UBE2E2: variants seen among roughly 807,000 people sequenced by gnomAD.
UBE2E2 encodes the protein ubiquitin conjugating enzyme E2 E2, also known as ubiquitin-conjugating enzyme E2 E2.
UBE2E2 carries 6 observed loss-of-function variants against 24.7 expected under a neutral mutation model. The ratio of observed to expected loss-of-function variants is 0.24; its 90% CI spans 0.13 to 0.48. The LOEUF (loss-of-function observed/expected upper bound fraction) is 0.48, where lower values mean the gene tolerates loss of function less well. Among genes scored for constraint, UBE2E2 ranks in the 20% least tolerant of loss-of-function variants. The pLI is 0.99. For missense variants in UBE2E2, 169 were observed against 245.0 expected, an observed-to-expected ratio of 0.69 and a Z score of 2.07; for synonymous variants, 104 against 83.6, an observed-to-expected ratio of 1.24 and a Z score of -1.33.
At chr3:23,483,763 T>A (rs1299422407) in intron 3 of UBE2E2, among the ~76,000 whole-genome samples, 11 of 152,220 alleles carry the variant, frequency 7.2e-5, no homozygotes, top group Admixed American at 7.2e-4. Flanking sequence ...ATTCTAGTTG[T>A]TCATTAGATT....
At chr3:23,568,660 C>T (rs1696141960) in intron 5 of UBE2E2, among the ~76,000 whole-genome samples, 1 of 97,494 alleles carries the variant, frequency 1.0e-5, no homozygotes, top group Admixed American at 9.1e-5. Flanking sequence ...TATATGTATA[C>T]ATATATACGC....
At chr3:23,237,023 G>A (rs975387702) in intron 3 of UBE2E2, among the ~76,000 whole-genome samples, 21 of 152,074 alleles carry the variant, frequency 1.4e-4, no homozygotes, top group African/African-American at 4.6e-4. Context: ...AGTATTACAC[G>A]GTGGTTTCTT....
intron 3 of UBE2E2, among the ~76,000 whole-genome samples, chr3:23,350,184 T>G (rs1454648739): frequency 6.6e-6 from 1 of 152,156 alleles, no homozygotes; most frequent in East Asian, 1.9e-4. Flanking sequence ...TCCTGTCTGT[T>G]AGAAGGAAAA....
At chr3:23,266,281 G>A (rs1698045960) in intron 3 of UBE2E2, among the ~76,000 whole-genome samples, 1 of 152,166 alleles carries the variant, frequency 6.6e-6, no homozygotes, top group Non-Finnish European at 1.5e-5. Context: ...GCAGTGGCTG[G>A]TGCCAGTTGT....
chr3:23,273,499 C>G (rs1698303517), intron 3 of UBE2E2, among the ~76,000 whole-genome samples: 1 of 150,144 alleles, frequency 6.7e-6, no homozygotes, highest in Admixed American at 6.6e-5. Context: ...CCACTGCACT[C>G]CAGCCTGGGC....
rs371976350 is a variant in UBE2E2, at chr3:23,384,820, C to T, written c.228-114788C>T. On this transcript the variant is annotated intron_variant, in intron 3 of 5. Coordinates refer to ENST00000396703, the MANE Select transcript of UBE2E2 (RefSeq NM_152653.4). ...CGTCCAAAAGTGCTGGGATTACAGGCGTGAGCCACCACACCTGGCCCCTGG... is the reference window on the plus strand; with the variant it reads ...CGTCCAAAAGTGCTGGGATTACAGGTGTGAGCCACCACACCTGGCCCCTGG... 7.3e-4 allele frequency among the ~76,000 whole-genome samples: 111 copies of T among 152,274 alleles called. 5 individuals are homozygous for T. The East Asian group carries it at 0.016, about 21-fold the overall frequency.
intron 3 of UBE2E2, among the ~76,000 whole-genome samples, chr3:23,390,390 G>C (rs1051024340): frequency 2.6e-5 from 4 of 152,194 alleles, no homozygotes; most frequent in African/African-American, 9.7e-5. Context: ...TGTGGCTTAA[G>C]TTGAGACAAC....
intron 3 of UBE2E2, among the ~76,000 whole-genome samples, chr3:23,452,230 A>G (rs1698576604): frequency 1.3e-5 from 2 of 152,216 alleles, no homozygotes; most frequent in Non-Finnish European, 1.5e-5. Flanking sequence ...ACAGCACGAT[A>G]TATCTAGCTA....
intron 5 of UBE2E2, among the ~76,000 whole-genome samples, chr3:23,565,935 A>G (rs759068799): frequency 2.6e-4 from 39 of 152,146 alleles, no homozygotes; most frequent in Admixed American, 6.6e-5. Context: ...CAGAATGACA[A>G]TGTAGACTAA....
intron 3 of UBE2E2, among the ~76,000 whole-genome samples, chr3:23,304,332 A>C (rs533148502): frequency 3.9e-5 from 6 of 152,270 alleles, no homozygotes; most frequent in Admixed American, 3.3e-4. Context: ...TTAGCAGTTA[A>C]GTTTTTTTCA....
chr3:23,516,592 C>T (rs1694745689), intron 4 of UBE2E2, among the ~76,000 whole-genome samples: 1 of 152,008 alleles, frequency 6.6e-6, no homozygotes, highest in Non-Finnish European at 1.5e-5. Context: ...AAAGTGAAGA[C>T]AAAATTCTTA....
intron 3 of UBE2E2, among the ~76,000 whole-genome samples, chr3:23,236,006 G>A (rs1401299156): frequency 6.6e-6 from 1 of 152,106 alleles, no homozygotes; most frequent in East Asian, 1.9e-4. Context: ...GAATTTGTGT[G>A]TGGAAAGAAT....
intron 3 of UBE2E2, chr3:23,271,022 C>T (rs1230339302): frequency 2.2e-6 from 1 of 456,598 alleles, no homozygotes; most frequent in African/African-American, 2.0e-5. Flanking sequence ...CTTCATCTTA[C>T]TTCTATTCAT....
chr3:23,256,262 G>C (rs1697717846), intron 3 of UBE2E2, among the ~76,000 whole-genome samples: 1 of 152,144 alleles, frequency 6.6e-6, no homozygotes, highest in Admixed American at 6.5e-5. Flanking sequence ...TGTATTTATA[G>C]TCTCATCATG....
intron 5 of UBE2E2, among the ~76,000 whole-genome samples, chr3:23,566,340 A>G: frequency 6.6e-6 from 1 of 152,156 alleles, no homozygotes; most frequent in Non-Finnish European, 1.5e-5. Flanking sequence ...ATGGGGAGTA[A>G]TGGTGATTAA....
At chr3:23,435,649 G>A (rs1326054382) in intron 3 of UBE2E2, among the ~76,000 whole-genome samples, 3 of 152,170 alleles carry the variant, frequency 2.0e-5, no homozygotes, top group Non-Finnish European at 4.4e-5. Context: ...AAGAGGGTGG[G>A]GGTATCCCCT....
intron 3 of UBE2E2, among the ~76,000 whole-genome samples, chr3:23,439,714 A>C (rs1352555096): frequency 6.6e-6 from 1 of 152,152 alleles, no homozygotes; most frequent in Non-Finnish European, 1.5e-5. Flanking sequence ...CTTTTATTTT[A>C]ATGTGTTTAT....
chr3:23,521,458 C>CT (rs1694865171), intron 4 of UBE2E2, among the ~76,000 whole-genome samples: 1 of 152,178 alleles, frequency 6.6e-6, no homozygotes, highest in Non-Finnish European at 1.5e-5. Flanking sequence ...ATCATCTTGT[C>CT]TAAGAGATGT....
rs544861736 is a variant in UBE2E2, at chr3:23,360,254, AG to A, written c.228-139353del. On this transcript the variant is annotated intron_variant, in intron 3 of 5. Transcript: ENST00000396703. ...ATGTTTATGCTGTACAGTAACAAAA[AG>A]AAGTGAGTGCTGTAACTTAGAAAAA... 2.4e-3 allele frequency among the ~76,000 whole-genome samples: 361 copies of A among 152,316 alleles called. 3 individuals carry two copies. The highest frequency in any genetic ancestry group is 8.3e-3 in the African/African-American group (345 of 41,562).
Sources: gnomAD v4.1 joint callset for allele counts (sites outside exome capture counted in the v4.1 genomes callset) on GRCh38, gnomAD v4.1.1 for gene constraint, MANE v1.5 for transcripts, NCBI Gene and HGNC (gene_info 2026-07-23, HGNC 2026-07-21) for gene names.